Variants in ZNF592 observed in about 807,000 individuals in gnomAD.
ZNF592 encodes zinc finger protein 592.
ZNF592 carries 11 observed loss-of-function variants against 80.3 expected under a neutral mutation model. The ratio of observed to expected loss-of-function variants is 0.14; its 90% confidence interval spans 0.09 to 0.23. ZNF592 has a LOEUF of 0.23. ZNF592 is among the 10% of genes least tolerant of loss of function. The probability of loss-of-function intolerance (pLI) is 1.00; values close to 1 mark genes in which losing one functional copy is unlikely to be tolerated. For missense variants in ZNF592, 1,420 were observed against 1,633.9 expected (o/e 0.87, Z 2.26); for synonymous variants, 646 against 640.3 (o/e 1.01, Z -0.13).
In ZNF592 at chr15:84,782,827, G is replaced by A. The variant is rs532985810; in HGVS notation, c.152G>A (p.Ser51Asn). 3.1e-6 allele frequency: 5 copies of A among 1,614,124 alleles called. No individual in the cohort carries two copies. The Admixed American group carries it at 6.7e-5, about 22-fold the overall frequency. ...CCTCCAGGCATATGTATGGATGAAA[G>A]TGTGTCCTTGTCTCACTCAGGATCA... ...LKPPGICMDE[S>N]VSLSHSGSAP... The change falls in exon 4 of 11, where the codon AGT becomes AAT. Residue 51 changes from serine (S) to asparagine (N), a missense_variant. Physicochemically the swap from Ser to Asn is conservative, Grantham distance 46. Transcript: ENST00000560079.
chr15:84,771,386 G>T (rs1201494350), intron 2 of ZNF592, among the ~76,000 whole-genome samples: 1 of 152,138 alleles, frequency 6.6e-6, no homozygotes, highest in African/African-American at 2.4e-5. Flanking sequence ...TGAGGCCCTG[G>T]TGGGTTGGGG....
Position 84,798,556 on chromosome 15 carries a change from G to T in ZNF592, c.2737-32G>T. Reference sequence around the variant, plus strand: ...TCTGACTCTGTGCATCTTTCCCCTTGCCCAGTCAGTAATCGCTCTCCCCAT... The same window carrying T: ...TCTGACTCTGTGCATCTTTCCCCTTTCCCAGTCAGTAATCGCTCTCCCCAT... On this transcript the variant is annotated intron_variant, in intron 7 of 10. Coordinates refer to ENST00000560079, the MANE Select transcript of ZNF592 (RefSeq NM_014630.3). This position sits in a 1 kb window ranked among gnomAD's most constrained non-coding sequence, Gnocchi z 4.5. 6.2e-7 allele frequency: 1 copy of T among 1,613,986 alleles called. No homozygotes were observed. The highest frequency in any genetic ancestry group is 1.1e-5 in the South Asian group (1 of 91,068).
At chr15:84,761,024 C>T (rs571158098) in intron 1 of ZNF592, among the ~76,000 whole-genome samples, 17 of 151,966 alleles carry the variant, frequency 1.1e-4, no homozygotes, top group South Asian at 2.1e-4. Flanking sequence ...GGTGCAATGG[C>T]ACAATCTTGG....
Position 84,798,376 on chromosome 15 carries a change from T to C in ZNF592, c.2638T>C (p.Phe880Leu), listed in dbSNP as rs201404626. ...CAAGAAGAGGCACATTCAGCAGCAT[T>C]TTTACCAGAATGTCAGCAAGACGCA... ...FNKKRHIQQH[F>L]YQNVSKTQVG... is the part of the protein sequence containing the mutation. Residue 880 changes from phenylalanine (F) to leucine (L), a missense_variant, in exon 7 of 11, where the codon TTT becomes CTT. Coordinates refer to ENST00000560079, the MANE Select transcript of ZNF592 (RefSeq NM_014630.3). The surrounding 1 kb of genome is among the most constrained non-coding windows in gnomAD (Gnocchi z 4.5). 2 of 1,614,194 alleles carry C rather than the reference T, an allele frequency of 1.2e-6. No homozygotes were observed. The highest frequency in any genetic ancestry group is 2.2e-5 in the East Asian group (1 of 44,878).
At chr15:84,769,903 G>T (rs1029082642) in intron 2 of ZNF592, among the ~76,000 whole-genome samples, 4 of 152,174 alleles carry the variant, frequency 2.6e-5, no homozygotes, top group Admixed American at 1.3e-4. Flanking sequence ...AGCCTCCTGA[G>T]TAGCTGGTAC....
rs201007650 is a variant in ZNF592, at chr15:84,764,940, A to C, written c.-150+125A>C. The C allele has an allele frequency of 1.3e-4, 51 of 393,724 alleles. No individual in the cohort carries two copies. In the East Asian group the frequency reaches 1.8e-3, roughly 14 times the overall value. The allele number at this position is 393,724 out of a possible 1,614,324, so 24.4% of individuals were successfully genotyped here. On this transcript the variant is annotated intron_variant, in intron 2 of 10. Coordinates refer to ENST00000560079, the MANE Select transcript of ZNF592 (RefSeq NM_014630.3). ...TTTTTGATGATAAAATACATATAAC[A>C]AAAGTTACCATTTTTAAGTGTGCAG...
At chr15:84,755,669 T>C (rs1267097137) in intron 1 of ZNF592, among the ~76,000 whole-genome samples, 3 of 152,198 alleles carry the variant, frequency 2.0e-5, no homozygotes, top group African/African-American at 7.2e-5. Context: ...CAGACACATA[T>C]ATCATCTTTA....
chr15:84,749,871 A>C (rs1898962209), intron 1 of ZNF592, among the ~76,000 whole-genome samples: 1 of 152,182 alleles, frequency 6.6e-6, no homozygotes, highest in African/African-American at 2.4e-5. Context: ...TTTTTCAACT[A>C]GTTGTGGCTT....
In ZNF592 at chr15:84,805,729, T is replaced by C. The variant is rs1963220291; in HGVS notation, c.*3336T>C. 6.9e-6 allele frequency: 1 copy of C among 144,270 alleles called. No homozygotes were observed. Among genetic ancestry groups the C allele is most frequent in the Admixed American group, 6.8e-5 (1 of 14,604 alleles). 8.9% of individuals were successfully genotyped at this position (144,270 alleles called of 1,614,324 possible). A position where few individuals can be genotyped will look rare whatever the true frequency, so the allele number is the denominator to read the frequency against. ...TATATTCAGCACCAGGCAGTTTCTT[T>C]TTTTGTTTGTTTGTTTTTTTGTTTT... On this transcript the variant is annotated 3_prime_UTR_variant, in exon 11 of 11. Transcript: ENST00000560079.
At chr15:84,797,487 A>G (rs1459783052) in intron 5 of ZNF592, among the ~76,000 whole-genome samples, 1 of 152,212 alleles carries the variant, frequency 6.6e-6, no homozygotes, top group Non-Finnish European at 1.5e-5. Flanking sequence ...GGACTTCTAC[A>G]GTTGCCTCAC....
chr15:84,805,166 C>G lies in ZNF592; in HGVS notation c.*2773C>G, dbSNP rs549650592. On this transcript the variant is annotated 3_prime_UTR_variant, in exon 11 of 11. Coordinates refer to ENST00000560079, the MANE Select transcript of ZNF592 (RefSeq NM_014630.3). Reference sequence around the variant, plus strand: ...CCAAGGAGGGCCTCGAGCATCACACCGTTGACATTTCGAAACGTGGTATCT... The same window carrying G: ...CCAAGGAGGGCCTCGAGCATCACACGGTTGACATTTCGAAACGTGGTATCT... The G allele has an allele frequency of 1.3e-5, 2 of 152,284 alleles. No individual in the cohort carries two copies. The highest frequency in any genetic ancestry group is 4.8e-5 in the African/African-American group (2 of 41,560). 9.4% of individuals were successfully genotyped at this position (152,284 alleles called of 1,614,324 possible).
chr15:84,794,901 C>G (rs1218381115), intron 5 of ZNF592, among the ~76,000 whole-genome samples: 2 of 152,116 alleles, frequency 1.3e-5, no homozygotes, highest in Non-Finnish European at 2.9e-5. Context: ...AGTTACTTGT[C>G]AGATTTGCAA....
chr15:84,783,022 A>G lies in ZNF592; in HGVS notation c.347A>G (p.Asn116Ser), dbSNP rs149094814. Reference sequence around the variant, plus strand: ...GGGAAATTTGATTCTACTTTTATGAATGGAGACAGTGCCAGGAGTTTCCCT... The same window carrying G: ...GGGAAATTTGATTCTACTTTTATGAGTGGAGACAGTGCCAGGAGTTTCCCT... Reference protein sequence around the residue: ...NCGKFDSTFMNGDSARSFPGK... With the variant: ...NCGKFDSTFMSGDSARSFPGK... The change falls in exon 4 of 11, where the codon AAT becomes AGT. Residue 116 changes from asparagine to serine, a missense_variant. This residue lies in a region of ZNF592 where 373 missense variants were observed against 355.5 expected (regional missense o/e 1.05). Transcript: ENST00000560079. The surrounding 1 kb of genome is among the most constrained non-coding windows in gnomAD (Gnocchi z 5.0). 1.2e-6 allele frequency: 2 copies of G among 1,614,112 alleles called. No homozygotes were observed. Among genetic ancestry groups the G allele is most frequent in the East Asian group, 2.2e-5 (1 of 44,876 alleles).
At position 84,790,797 on chromosome 15, in the gene ZNF592, G is replaced by A. The variant is rs764842891; in HGVS notation, c.2313G>A (p.Pro771=). Residue 771 remains proline, a synonymous_variant, in exon 5 of 11, where the codon CCG becomes CCA. Transcript: ENST00000560079. ...CACACAAGTCCCCCTACTGCTGCCCGGAGTGTGGGGTCCTCTGCCGCTCTG... is the reference window on the plus strand; with the variant it reads ...CACACAAGTCCCCCTACTGCTGCCCAGAGTGTGGGGTCCTCTGCCGCTCTG... ...IHAHKSPYCC[P]ECGVLCRSAY... is the part of the protein sequence containing the mutation. The A allele has an allele frequency of 1.2e-5, 19 of 1,614,178 alleles. No individual in the cohort carries two copies. Among genetic ancestry groups the A allele is most frequent in the African/African-American group, 2.7e-5 (2 of 75,038 alleles).
rs1962974700 is a variant in ZNF592 at position 84,798,128 on chromosome 15, T to A, written c.2576+83T>A. On this transcript the variant is annotated intron_variant, in intron 6 of 10. Transcript: ENST00000560079. The surrounding 1 kb of genome is among the most constrained non-coding windows in gnomAD (Gnocchi z 4.5). ...CTGTAGGGGGTGGCATAGGGATGGGTGAGGGAGCTGGGGTTAGTGGCAGAG... is the reference window on the plus strand; with the variant it reads ...CTGTAGGGGGTGGCATAGGGATGGGAGAGGGAGCTGGGGTTAGTGGCAGAG... 2.5e-6 allele frequency: 4 copies of A among 1,583,010 alleles called. No homozygotes were observed. The highest frequency in any genetic ancestry group is 1.8e-5 in the Admixed American group (1 of 57,136).
intron 2 of ZNF592, among the ~76,000 whole-genome samples, chr15:84,768,596 T>G (rs1899605200): frequency 6.6e-6 from 1 of 152,082 alleles, no homozygotes; most frequent in Non-Finnish European, 1.5e-5. Flanking sequence ...TTCCCTATGG[T>G]TCTCAGAGCT....
intron 3 of ZNF592, among the ~76,000 whole-genome samples, chr15:84,780,132 G>A (rs561106802): frequency 3.5e-4 from 53 of 151,946 alleles, no homozygotes; most frequent in African/African-American, 1.1e-3. Flanking sequence ...TACTACAGGC[G>A]TGTGCCACCA....
intron 5 of ZNF592, among the ~76,000 whole-genome samples, chr15:84,791,463 A>C (rs1183911218): frequency 6.6e-6 from 1 of 152,158 alleles, no homozygotes; most frequent in Non-Finnish European, 1.5e-5. Flanking sequence ...GCAAGAAGTC[A>C]TTTTCAGGGA....
chr15:84,754,704 TAA>T (rs58930648), intron 1 of ZNF592, among the ~76,000 whole-genome samples: 158 of 133,534 alleles, frequency 1.2e-3, no homozygotes, highest in African/African-American at 2.3e-3. Context: ...CCCCGTCTCT[TAA>T]AAAAAAAAAA....
Sources: allele counts gnomAD v4.1 joint callset (sites outside exome capture counted in the v4.1 genomes callset), GRCh38; gene constraint gnomAD v4.1.1; regional missense constraint gnomAD v4.1.1; non-coding constraint Gnocchi (gnomAD v3.1); transcripts MANE v1.5; gene names NCBI Gene and HGNC (gene_info 2026-07-23, HGNC 2026-07-21).